Variants in RPS6KA2 observed in about 807,000 individuals in gnomAD.
The protein encoded by RPS6KA2 is ribosomal protein S6 kinase alpha-2.
RPS6KA2 carries 42 observed loss-of-function variants against 91.8 expected under a neutral mutation model. The ratio of observed to expected loss-of-function variants is 0.46; its 90% CI spans 0.36 to 0.59. RPS6KA2 has a LOEUF of 0.59. Among genes scored for constraint, RPS6KA2 ranks in the 20% least tolerant of loss-of-function variants. The pLI, the probability that RPS6KA2 is intolerant of heterozygous loss-of-function variation, is 0.00. For synonymous variants in RPS6KA2, 414 were observed against 393.6 expected (o/e 1.05, Z -0.61); for missense variants, 798 against 978.5 (o/e 0.82, Z 2.46).
At chr6:166,624,750 G>A (rs535641945) in intron 1 of RPS6KA2, among the ~76,000 whole-genome samples, 66 of 152,274 alleles carry the variant, frequency 4.3e-4, no homozygotes, top group Non-Finnish European at 5.9e-4. Flanking sequence ...AATGAGGAAA[G>A]TTACATATGC....
chr6:166,539,449 C>T (rs139714465), intron 1 of RPS6KA2, among the ~76,000 whole-genome samples: 215 of 152,310 alleles, frequency 1.4e-3, no homozygotes, highest in Middle Eastern at 0.01. Flanking sequence ...AGCATATTGA[C>T]GGGTTCCTAG....
At chr6:166,808,365 C>T (rs569425702) in intron 2 of RPS6KA2, among the ~76,000 whole-genome samples, 45 of 152,322 alleles carry the variant, frequency 3.0e-4, no homozygotes, top group African/African-American at 1.1e-3. Flanking sequence ...TCCAGCATGT[C>T]CAACTCTACC....
intron 12 of RPS6KA2, among the ~76,000 whole-genome samples, chr6:166,453,197 TCACACA>T (rs149702729): frequency 1.4e-3 from 193 of 141,222 alleles, no homozygotes; most frequent in African/African-American, 4.8e-3. Context: ...TGAGACTCCA[TCACACA>T]CACACACACA....
At chr6:166,483,184 C>T (rs1169509045) in intron 10 of RPS6KA2, among the ~76,000 whole-genome samples, 1 of 152,204 alleles carries the variant, frequency 6.6e-6, no homozygotes, top group African/African-American at 2.4e-5. Context: ...GGAGAGGACA[C>T]GCGCAGCTGC....
At position 166,662,431 on chromosome 6, in the gene RPS6KA2, G is replaced by A. The variant is rs538156254; in HGVS notation, c.124-123647C>T. ...CAAATTACAGACACTTTAGATATCT[G>A]CTTTCTTTGGGGACGTAAGAACAGC... On this transcript the variant is annotated intron_variant, in intron 2 of 21. Transcript: ENST00000503859. The surrounding 1 kb of genome is among the most constrained non-coding windows in gnomAD (Gnocchi z 4.3). Among the ~76,000 whole-genome samples the A allele has an allele frequency of 6.6e-6, 1 of 152,196 alleles. No homozygotes were observed. Among genetic ancestry groups the A allele is most frequent in the African/African-American group, 2.4e-5 (1 of 41,440 alleles).
Position 166,780,655 on chromosome 6 carries a change from G to C in RPS6KA2, c.123+77545C>G, listed in dbSNP as rs182998521. On this transcript the variant is annotated intron_variant, in intron 2 of 21. Transcript: ENST00000503859. ...TCATTCAGTGTTTAACCAAGGGGAG[G>C]GGTCAGACTTGAAATATGAGCCAAT... Among the ~76,000 whole-genome samples, 775 of 152,262 alleles carry C rather than the reference G, an allele frequency of 5.1e-3. 10 individuals are homozygous for C. The highest frequency in any genetic ancestry group is 7.0e-3 in the Non-Finnish European group (477 of 68,018).
At chr6:166,424,434 A>G (rs1235150182) in intron 16 of RPS6KA2, among the ~76,000 whole-genome samples, 1 of 150,820 alleles carries the variant, frequency 6.6e-6, no homozygotes, top group Non-Finnish European at 1.5e-5. Flanking sequence ...ACTCAGGACT[A>G]CGCACACAGC....
chr6:166,589,780 C>T (rs1785298292), intron 1 of RPS6KA2, among the ~76,000 whole-genome samples: 1 of 152,208 alleles, frequency 6.6e-6, no homozygotes, highest in Admixed American at 6.5e-5. Context: ...TGCTTTGGCC[C>T]AAACAAATCA....
intron 1 of RPS6KA2, among the ~76,000 whole-genome samples, chr6:166,597,681 C>T (rs1785585731): frequency 6.6e-6 from 1 of 151,576 alleles, no homozygotes; most frequent in Non-Finnish European, 1.5e-5. Flanking sequence ...TGTAGGCAAG[C>T]CAAAATTTTC....
chr6:166,514,306 G>A (rs2128484462), intron 3 of RPS6KA2, among the ~76,000 whole-genome samples: 1 of 152,352 alleles, frequency 6.6e-6, no homozygotes, highest in South Asian at 2.1e-4. Flanking sequence ...GCCCAGTGGG[G>A]AGATGCCCTG....
intron 2 of RPS6KA2, among the ~76,000 whole-genome samples, chr6:166,730,869 G>A (rs1201846161): frequency 6.6e-6 from 1 of 152,140 alleles, no homozygotes; most frequent in Admixed American, 6.5e-5. Context: ...TAGTATCCGG[G>A]TAGTCATCCG....
chr6:166,664,887 T>C (rs1562371682), intron 2 of RPS6KA2, among the ~76,000 whole-genome samples: 1 of 152,166 alleles, frequency 6.6e-6, no homozygotes, highest in African/African-American at 2.4e-5. Flanking sequence ...TGAACACAGA[T>C]AGTCCTCCTG....
rs575324809 is a variant in RPS6KA2 at position 166,443,560 on chromosome 6, G to A, written c.1332+5164C>T. ...AGGAGTGTCACAGGACGTTTAAAGCGGATCCTTCCAACACCTGAGCTTACT... is the reference window on the plus strand; with the variant it reads ...AGGAGTGTCACAGGACGTTTAAAGCAGATCCTTCCAACACCTGAGCTTACT... On this transcript the variant is annotated intron_variant, in intron 14 of 20. Transcript: ENST00000265678. 1.5e-3 allele frequency among the ~76,000 whole-genome samples: 226 copies of A among 152,310 alleles called. 1 individual carries two copies. Among genetic ancestry groups the A allele is most frequent in the Middle Eastern group, 0.01 (3 of 294 alleles).
intron 13 of RPS6KA2, among the ~76,000 whole-genome samples, chr6:166,449,942 C>G (rs114752354): frequency 6.6e-6 from 1 of 150,756 alleles, no homozygotes; most frequent in Non-Finnish European, 1.5e-5. Flanking sequence ...CAGGGACCAC[C>G]ACAGGAACCA....
chr6:166,737,014 G>GA lies in RPS6KA2; in HGVS notation c.123+121185dup, dbSNP rs1790687843. 6.6e-6 allele frequency among the ~76,000 whole-genome samples: 1 copy of GA among 152,142 alleles called. No individual in the cohort carries two copies. Among genetic ancestry groups the GA allele is most frequent in the Non-Finnish European group, 1.5e-5 (1 of 68,028 alleles). On this transcript the variant is annotated intron_variant, in intron 2 of 21. Coordinates refer to the RPS6KA2 transcript ENST00000503859. The surrounding 1 kb of genome is among the most constrained non-coding windows in gnomAD (Gnocchi z 4.3). ...TGGGGAGGGAGGGGCTGGGAGGGGA[G>GA]AAAAGGGGGCAGGAAGGGAAAGAGA...
chr6:166,800,258 G>C (rs1278046942), intron 2 of RPS6KA2, among the ~76,000 whole-genome samples: 1 of 152,194 alleles, frequency 6.6e-6, no homozygotes. Context: ...CAGTGGCTCT[G>C]ACACGTTGCC....
intron 2 of RPS6KA2, among the ~76,000 whole-genome samples, chr6:166,824,881 G>C (rs1780012142): frequency 6.6e-6 from 1 of 152,120 alleles, no homozygotes; most frequent in African/African-American, 2.4e-5. Context: ...GTGTATGTCT[G>C]TATGTATGTC....
rs755127089 is a variant in RPS6KA2, at chr6:166,448,785, C to T, written c.1271G>A (p.Gly424Asp). 6.2e-7 allele frequency: 1 copy of T among 1,613,782 alleles called. No individual in the cohort carries two copies. The highest frequency in any genetic ancestry group is 1.7e-5 in the Admixed American group (1 of 59,956). Residue 424 changes from glycine (G) to aspartate (D), a missense_variant, in exon 14 of 21, where the codon GGC (glycine) becomes GAC (aspartate). Coordinates refer to ENST00000265678, the MANE Select transcript of RPS6KA2 (RefSeq NM_021135.6). This position sits in a 1 kb window ranked among gnomAD's most constrained non-coding sequence, Gnocchi z 4.7. ...ACATCGCTTGCACACTGAGTAGGAG[C>T]CCACCCCGATGTCCTCCTTGATCTC... ...GYEIKEDIGVGSYSVCKRCVH... is the reference protein window; with the variant it reads ...GYEIKEDIGVDSYSVCKRCVH...
intron 2 of RPS6KA2, among the ~76,000 whole-genome samples, chr6:166,837,842 G>A (rs1780360909): frequency 6.6e-6 from 1 of 152,260 alleles, no homozygotes; most frequent in Non-Finnish European, 1.5e-5. Context: ...ATAACTGGAA[G>A]CTTTTTGTTT....
Sources: allele counts gnomAD v4.1 joint callset (sites outside exome capture counted in the v4.1 genomes callset), GRCh38; gene constraint gnomAD v4.1.1; non-coding constraint Gnocchi (gnomAD v3.1); transcripts MANE v1.5; gene names NCBI Gene and HGNC (gene_info 2026-07-23, HGNC 2026-07-21).